ARHGAP31: variants seen among roughly 807,000 people sequenced by gnomAD.
ARHGAP31 encodes the protein rho GTPase-activating protein 31.
Under a neutral mutation model 113.9 loss-of-function variants are expected in ARHGAP31, and 34 were observed. That is an observed-to-expected ratio of 0.30 (90% CI 0.23 to 0.40). ARHGAP31 has a LOEUF of 0.40. Among genes scored for constraint, ARHGAP31 ranks in the 10% least tolerant of loss-of-function variants. The pLI is 1.00. For missense variants in ARHGAP31, 1,548 were observed against 1,767.1 expected, an observed-to-expected ratio of 0.88 and a Z score of 2.22; for synonymous variants, 650 against 684.8, an observed-to-expected ratio of 0.95 and a Z score of 0.79.
intron 1 of ARHGAP31, among the ~76,000 whole-genome samples, chr3:119,309,949 GTT>G (rs57460032): frequency 6.0e-4 from 87 of 144,014 alleles, no homozygotes; most frequent in African/African-American, 1.6e-3. Flanking sequence ...ACTATCAACT[GTT>G]TTTTTTTTTT....
At position 119,393,964 on chromosome 3, in the gene ARHGAP31, G is replaced by A. The variant is rs576927745; in HGVS notation, c.1006+373G>A. ...CAATCCAGGATCTCACGCTACATTT[G>A]GTTGTCATGTTTCCTTAACCTCTGC... is the stretch of plus-strand genomic sequence containing the variant. On this transcript the variant is annotated intron_variant, in intron 8 of 11. Coordinates refer to ENST00000264245, the MANE Select transcript of ARHGAP31 (RefSeq NM_020754.4). Among the ~76,000 whole-genome samples, 4 of 152,268 alleles carry A rather than the reference G, an allele frequency of 2.6e-5. No homozygotes were observed. In the South Asian group the frequency reaches 8.3e-4, roughly 32 times the overall value.
At chr3:119,381,886 T>C (rs1427566009) in intron 4 of ARHGAP31, among the ~76,000 whole-genome samples, 2 of 148,932 alleles carry the variant, frequency 1.3e-5, no homozygotes, top group African/African-American at 5.0e-5. Flanking sequence ...GTGGGGAGGA[T>C]GAGGCCAGAG....
intron 7 of ARHGAP31, 57 bp from the exon 8 acceptor site, chr3:119,393,410 A>C (rs565027875): frequency 7.5e-6 from 12 of 1,608,176 alleles, no homozygotes; most frequent in Non-Finnish European, 1.0e-5. Flanking sequence ...CTCAATTTAA[A>C]AGTCCCCTTG....
In ARHGAP31 at chr3:119,409,759, G is replaced by C. The variant is rs773314434; in HGVS notation, c.1909G>C (p.Val637Leu). Reference sequence around the variant, plus strand: ...GAGCCCCAGGGCCAGAGCCGAAGCTGTGCTTCTCCATGAGATGGTAAAGTG... The same window carrying C: ...GAGCCCCAGGGCCAGAGCCGAAGCTCTGCTTCTCCATGAGATGGTAAAGTG... ...QESPRARAEA[V>L]LLHEMDEDDL... The change falls in exon 11 of 12, where the codon GTG becomes CTG. Residue 637 changes from valine to leucine, a missense_variant. Transcript: ENST00000264245. 3 of 1,604,376 alleles carry C rather than the reference G, an allele frequency of 1.9e-6. No individual in the cohort carries two copies. The highest frequency in any genetic ancestry group is 2.7e-5 in the African/African-American group (2 of 74,752).
intron 1 of ARHGAP31, among the ~76,000 whole-genome samples, chr3:119,332,242 C>A (rs1016960505): frequency 1.3e-5 from 2 of 152,020 alleles, no homozygotes; most frequent in South Asian, 4.2e-4. Context: ...TCTTGTCACC[C>A]AGGCTGGAGT....
intron 2 of ARHGAP31, among the ~76,000 whole-genome samples, chr3:119,367,731 G>A (rs566348146): frequency 6.6e-5 from 10 of 151,924 alleles, no homozygotes; most frequent in Admixed American, 4.6e-4. Flanking sequence ...GGTGGCGGGC[G>A]CCTGTAGTCC....
intron 1 of ARHGAP31, among the ~76,000 whole-genome samples, chr3:119,315,368 A>G (rs1293355712): frequency 1.3e-5 from 2 of 152,268 alleles, no homozygotes; most frequent in South Asian, 2.1e-4. Context: ...GCCCCCATCT[A>G]TAAGAAGCCC....
In ARHGAP31 at chr3:119,376,279, A is replaced by G. The variant is rs545854441; in HGVS notation, c.349-4625A>G. Among the ~76,000 whole-genome samples, 9 of 152,296 alleles carry G rather than the reference A, an allele frequency of 5.9e-5. 1 individual carries two copies. The South Asian group carries it at 8.3e-4, about 14-fold the overall frequency. On this transcript the variant is annotated intron_variant, in intron 3 of 11. Transcript: ENST00000264245. ...TGAGGTGGGCGGATCACTTGAGGTC[A>G]GTAGTTTGAGATCAGCCTGGCCAAC...
chr3:119,327,461 C>T (rs999672958), intron 1 of ARHGAP31, among the ~76,000 whole-genome samples: 1 of 152,072 alleles, frequency 6.6e-6, no homozygotes. Flanking sequence ...TGGAGAATCG[C>T]TTGAACCCAG....
In ARHGAP31 at chr3:119,413,837, GTTT is replaced by G. The variant is rs2080741028; in HGVS notation, c.1927-18_1927-16del. Reference sequence around the variant, plus strand: ...AGAGTACTTAGTTCTAAGACAATCAGTTTATTGATGTTTTTCAGGATGAAGATG... The same window carrying G: ...AGAGTACTTAGTTCTAAGACAATCAGATTGATGTTTTTCAGGATGAAGATG... On this transcript the variant is annotated splice_polypyrimidine_tract_variant and intron_variant, in intron 11 of 11. Coordinates refer to ENST00000264245, the MANE Select transcript of ARHGAP31 (RefSeq NM_020754.4). 1.2e-6 allele frequency: 2 copies of G among 1,614,076 alleles called. No individual in the cohort carries two copies. The highest frequency in any genetic ancestry group is 1.7e-6 in the Non-Finnish European group (2 of 1,180,050).
chr3:119,369,574 A>G (rs563088585), intron 3 of ARHGAP31, among the ~76,000 whole-genome samples: 10 of 152,328 alleles, frequency 6.6e-5, no homozygotes, highest in African/African-American at 2.4e-4. Context: ...AGGTTCTTCA[A>G]TTTGAAATGA....
At chr3:119,389,109 C>T (rs1181897470) in intron 6 of ARHGAP31, among the ~76,000 whole-genome samples, 4 of 151,904 alleles carry the variant, frequency 2.6e-5, no homozygotes, top group Non-Finnish European at 5.9e-5. Context: ...TGCAGTGAGC[C>T]GAGATTGCAC....
At chr3:119,318,846 A>G (rs1016108731) in intron 1 of ARHGAP31, among the ~76,000 whole-genome samples, 41 of 152,214 alleles carry the variant, frequency 2.7e-4, no homozygotes, top group Admixed American at 2.6e-3. Context: ...ATTCCTGGGA[A>G]AAAATTGAGA....
intron 1 of ARHGAP31, among the ~76,000 whole-genome samples, chr3:119,299,368 TA>T (rs369918133): frequency 3.4e-4 from 52 of 152,372 alleles, no homozygotes; most frequent in African/African-American, 1.1e-3. Flanking sequence ...ATTTTTTTCC[TA>T]GTTCTTACCG....
Position 119,413,881 on chromosome 3 carries a change from T to C in ARHGAP31, c.1952T>C (p.Leu651Pro). Residue 651 changes from leucine to proline, a missense_variant, in exon 12 of 12, where the codon CTG (leucine) becomes CCG (proline). Coordinates refer to ENST00000264245, the MANE Select transcript of ARHGAP31 (RefSeq NM_020754.4). ...GATGAAGATGATCTGGCCAATGCCC[T>C]GATCTGGCCTGAGATTCAACAGGAG... Reference protein sequence around the residue: ...EMDEDDLANALIWPEIQQELK... With the variant: ...EMDEDDLANAPIWPEIQQELK... 1 of 1,614,220 alleles carries C rather than the reference T, an allele frequency of 6.2e-7. No homozygotes were observed. Among genetic ancestry groups the C allele is most frequent in the South Asian group, 1.1e-5 (1 of 91,080 alleles).
Position 119,420,572 on chromosome 3 carries a change from A to G in ARHGAP31, c.*4308A>G, listed in dbSNP as rs1000334162. On this transcript the variant is annotated 3_prime_UTR_variant, in exon 12 of 12. Coordinates refer to ENST00000264245, the MANE Select transcript of ARHGAP31 (RefSeq NM_020754.4). ...GCAGAGATTACTTTTCTGTGAGGGT[A>G]AGGGGGACGTAGCTAAATATAAGAA... is the stretch of plus-strand genomic sequence containing the variant. 3.9e-5 allele frequency: 6 copies of G among 152,174 alleles called. No individual in the cohort carries two copies. The highest frequency in any genetic ancestry group is 1.2e-4 in the African/African-American group (5 of 41,444). The allele number at this position is 152,174 out of a possible 1,614,324, so 9.4% of individuals were successfully genotyped here. A position where few individuals can be genotyped will look rare whatever the true frequency, so the allele number is the denominator to read the frequency against.
At chr3:119,313,740 C>A (rs893854946) in intron 1 of ARHGAP31, among the ~76,000 whole-genome samples, 1 of 152,174 alleles carries the variant, frequency 6.6e-6, no homozygotes, top group Non-Finnish European at 1.5e-5. Context: ...TCCAGGCCAA[C>A]CTGGCACAGA....
At chr3:119,356,593 T>G (rs567433555) in intron 1 of ARHGAP31, among the ~76,000 whole-genome samples, 1 of 150,204 alleles carries the variant, frequency 6.7e-6, no homozygotes, top group East Asian at 2.0e-4. Flanking sequence ...ATTGTGCTAC[T>G]GCACCCCAGC....
At chr3:119,360,015 C>T (rs910640237) in intron 1 of ARHGAP31, among the ~76,000 whole-genome samples, 8 of 152,164 alleles carry the variant, frequency 5.3e-5, no homozygotes, top group African/African-American at 1.9e-4. Context: ...TTACCTCAAA[C>T]AAGATGATGA....
Sources: allele counts gnomAD v4.1 joint callset (sites outside exome capture counted in the v4.1 genomes callset), GRCh38; gene constraint gnomAD v4.1.1; transcripts MANE v1.5; gene names NCBI Gene and HGNC (gene_info 2026-07-23, HGNC 2026-07-21).